Variants in TMC3 observed in about 807,000 individuals in gnomAD.
The protein encoded by TMC3 is transmembrane channel-like protein 3.
TMC3 carries 98 observed loss-of-function variants against 110.6 expected under a neutral mutation model. That is an observed-to-expected ratio of 0.89 (90% CI 0.75 to 1.05). The LOEUF is 1.05. Among genes scored for constraint, TMC3 ranks in the 50% least tolerant of loss-of-function variants. TMC3 has a pLI of 0.00. For missense variants in TMC3, 1,319 were observed against 1,373.2 expected, an observed-to-expected ratio of 0.96 and a Z score of 0.62; for synonymous variants, 489 against 513.1, an observed-to-expected ratio of 0.95 and a Z score of 0.63.
intron 13 of TMC3, among the ~76,000 whole-genome samples, chr15:81,344,259 A>G (rs1414196105): frequency 6.6e-6 from 1 of 152,234 alleles, no homozygotes; most frequent in Non-Finnish European, 1.5e-5. Flanking sequence ...GGTAATTTGA[A>G]TTCGAATTTT....
At chr15:81,350,814 A>G (rs1290146523) in intron 10 of TMC3, among the ~76,000 whole-genome samples, 2 of 152,240 alleles carry the variant, frequency 1.3e-5, no homozygotes, top group African/African-American at 2.4e-5. Flanking sequence ...TGGTCTTAAA[A>G]TGAATATTTA....
intron 5 of TMC3, among the ~76,000 whole-genome samples, chr15:81,359,128 C>T (rs1236748034): frequency 6.6e-6 from 1 of 152,168 alleles, no homozygotes. Flanking sequence ...GGTTGATATA[C>T]TGTCTGCAGG....
intron 18 of TMC3, among the ~76,000 whole-genome samples, 173 bp from the exon 19 acceptor site, chr15:81,338,097 C>G (rs1185839659): frequency 6.6e-6 from 1 of 152,124 alleles, no homozygotes; most frequent in African/African-American, 2.4e-5. Context: ...AGCCAGTGAG[C>G]ACTGGGAAGG....
Position 81,333,178 on chromosome 15 carries a change from T to G in TMC3, c.2544A>C (p.Glu848Asp). 2 of 1,614,054 alleles carry G rather than the reference T, an allele frequency of 1.2e-6. No homozygotes were observed. The highest frequency in any genetic ancestry group is 1.7e-6 in the Non-Finnish European group (2 of 1,179,898). ...GGAAAAGAGGTTCTGAGTGTACATC[T>G]TCGATGTGCGTTGTAAATGTCATAG... Reference protein sequence around the residue: ...RTPMTFTTHIEDVHSEPLFRK... With the variant: ...RTPMTFTTHIDDVHSEPLFRK... The change falls in exon 22 of 22, where the codon GAA becomes GAC. Residue 848 changes from glutamate (E) to aspartate (D), a missense_variant. By Grantham distance (45) the Glu-to-Asp change is conservative. Transcript: ENST00000359440.
chr15:81,365,956 G>A (rs573428628), intron 3 of TMC3, among the ~76,000 whole-genome samples: 1 of 152,134 alleles, frequency 6.6e-6, no homozygotes, highest in South Asian at 2.1e-4. Flanking sequence ...TGTTAGATAT[G>A]TGATACATGC....
At chr15:81,347,546 C>T (rs1477927483) in intron 11 of TMC3, among the ~76,000 whole-genome samples, 1 of 152,176 alleles carries the variant, frequency 6.6e-6, no homozygotes, top group Non-Finnish European at 1.5e-5. Context: ...TAAGTGTTGG[C>T]CAAAGGAAGG....
At chr15:81,349,353 C>A in intron 11 of TMC3, 105 bp downstream of exon 11, 1 of 593,714 alleles carries the variant, frequency 1.7e-6, no homozygotes, top group South Asian at 5.0e-5. Context: ...TGCTGATTGT[C>A]TGAGAGAAAA....
chr15:81,348,967 C>T (rs1893883157), intron 11 of TMC3, among the ~76,000 whole-genome samples: 1 of 152,218 alleles, frequency 6.6e-6, no homozygotes, highest in South Asian at 2.1e-4. Flanking sequence ...CATGCGCCAC[C>T]ACGCCCAGCT....
At chr15:81,365,868 T>C (rs1314710569) in intron 3 of TMC3, among the ~76,000 whole-genome samples, 2 of 152,152 alleles carry the variant, frequency 1.3e-5, no homozygotes, top group Non-Finnish European at 2.9e-5. Context: ...TCATGAAAAG[T>C]ATATTTATTC....
At chr15:81,352,898 C>G (rs543368458) in intron 9 of TMC3, among the ~76,000 whole-genome samples, 6 of 152,202 alleles carry the variant, frequency 3.9e-5, no homozygotes, top group African/African-American at 1.4e-4. Flanking sequence ...CGGCTCACTG[C>G]GACCTCTGCC....
chr15:81,333,977 C>T (rs1893533491), intron 21 of TMC3, among the ~76,000 whole-genome samples: 1 of 148,590 alleles, frequency 6.7e-6, no homozygotes. Flanking sequence ...GTGACAAGAG[C>T]AAAACCCTAG....
At chr15:81,339,559 G>T (rs34384568) in intron 16 of TMC3, 55 bp from the exon 17 acceptor site, 217,233 of 1,371,482 alleles carry the variant, frequency 0.16, 21,578 homozygotes, top group South Asian at 0.39. Context: ...AGTTGCCAGG[G>T]TTGCATATGC....
rs993697422 is a variant in TMC3 at position 81,334,642 on chromosome 15, C to A, written c.2459+78G>T. The A allele has an allele frequency of 9.3e-6, 14 of 1,507,572 alleles. No homozygotes were observed. In the African/African-American group the frequency reaches 1.9e-4, roughly 21 times the overall value. 93.4% of individuals were successfully genotyped at this position (1,507,572 alleles called of 1,614,324 possible). A position where few individuals can be genotyped will look rare whatever the true frequency, so the allele number is the denominator to read the frequency against. On this transcript the variant is annotated intron_variant, in intron 21 of 21. Coordinates refer to ENST00000359440, the MANE Select transcript of TMC3 (RefSeq NM_001080532.3). ...TTCTGGGAGAATTAGAATTTAATGGCCTTGGCCTCCTGAAGCTGCAGAGGC... is the reference window on the plus strand; with the variant it reads ...TTCTGGGAGAATTAGAATTTAATGGACTTGGCCTCCTGAAGCTGCAGAGGC...
chr15:81,341,335 G>A, intron 16 of TMC3, 55 bp downstream of exon 16: 1 of 1,520,542 alleles, frequency 6.6e-7, no homozygotes, highest in Non-Finnish European at 8.9e-7. Context: ...GGCAGGCATG[G>A]ATTATATATA....
chr15:81,358,503 G>A lies in TMC3; in HGVS notation c.502-3C>T. ...CCAAAGGGCTGGCCTGCAATCAGCTGGTGAGAGAAGAAAGCATGTCATGTG... is the reference window on the plus strand; with the variant it reads ...CCAAAGGGCTGGCCTGCAATCAGCTAGTGAGAGAAGAAAGCATGTCATGTG... On this transcript the variant is annotated splice_polypyrimidine_tract_variant and splice_region_variant and intron_variant, in intron 5 of 21. Transcript: ENST00000359440. 3.1e-6 allele frequency: 5 copies of A among 1,605,238 alleles called. No individual in the cohort carries two copies.
chr15:81,368,408 A>T, intron 2 of TMC3, 80 bp from the exon 3 acceptor site: 1 of 1,059,984 alleles, frequency 9.4e-7, no homozygotes, highest in Non-Finnish European at 1.5e-6. Context: ...ATGCAACAGG[A>T]ATAGGTTGCC....
At chr15:81,368,417 C>T in intron 2 of TMC3, 89 bp from the exon 3 acceptor site, 3 of 926,754 alleles carry the variant, frequency 3.2e-6, no homozygotes, top group Admixed American at 3.6e-5. Context: ...GAATAGGTTG[C>T]CATCTTGTCC....
intron 17 of TMC3, 41 bp downstream of exon 17, chr15:81,339,353 A>G (rs577632707): frequency 1.4e-6 from 2 of 1,405,800 alleles, no homozygotes; most frequent in Admixed American, 3.8e-5. Flanking sequence ...ATTCCCTTAC[A>G]GCTGTCAGTC....
At chr15:81,350,527 ATT>A (rs1270322748) in intron 10 of TMC3, among the ~76,000 whole-genome samples, 1 of 152,248 alleles carries the variant, frequency 6.6e-6, no homozygotes, top group African/African-American at 2.4e-5. Context: ...TTCAAAAACT[ATT>A]CATATTTCTG....
Sources: allele counts gnomAD v4.1 joint callset (sites outside exome capture counted in the v4.1 genomes callset), GRCh38; gene constraint gnomAD v4.1.1; transcripts MANE v1.5; gene names NCBI Gene and HGNC (gene_info 2026-07-23, HGNC 2026-07-21).